TTC39B: variants seen among roughly 807,000 people sequenced by gnomAD.
TTC39B encodes tetratricopeptide repeat protein 39B.
In TTC39B, 92 loss-of-function variants were observed where a neutral mutation model predicts 96.6. The observed-to-expected ratio is 0.95, with a 90% CI of 0.80 to 1.13. TTC39B has a LOEUF of 1.13. Ranked by LOEUF, TTC39B falls within the 50% of genes most tolerant of loss-of-function variation. The probability of loss-of-function intolerance (pLI) is 0.00; values close to 1 mark genes in which losing one functional copy is unlikely to be tolerated. For synonymous variants in TTC39B, 367 were observed against 299.4 expected, an observed-to-expected ratio of 1.23 and a Z score of -2.33; for missense variants, 955 against 809.3, an observed-to-expected ratio of 1.18 and a Z score of -2.18.
intron 2 of TTC39B, among the ~76,000 whole-genome samples, chr9:15,244,815 C>T (rs1586949069): frequency 6.6e-6 from 1 of 151,648 alleles, no homozygotes; most frequent in East Asian, 1.9e-4. Context: ...CAGTGGGACA[C>T]TGAATGGGGG....
rs1223721613 is a variant in TTC39B, at chr9:15,185,233, G to A, written c.1614+47C>T. The A allele has an allele frequency of 5.7e-6, 9 of 1,568,000 alleles. 1 individual carries two copies. In the South Asian group the frequency reaches 1.1e-4, roughly 19 times the overall value. On this transcript the variant is annotated intron_variant, in intron 16 of 19. Transcript: ENST00000512701. ...TTAGATATGCTCCCTGCTGCTGTGA[G>A]TAGGTAATTTATTTCTAGTACATGA... is the stretch of plus-strand genomic sequence containing the variant.
intron 2 of TTC39B, among the ~76,000 whole-genome samples, chr9:15,248,015 C>T (rs549129535): frequency 2.6e-5 from 4 of 152,302 alleles, no homozygotes; most frequent in African/African-American, 7.2e-5. Context: ...CCTCGTTTTC[C>T]TCATTTGGAA....
chr9:15,288,745 C>T (rs1364078692), intron 1 of TTC39B, among the ~76,000 whole-genome samples: 1 of 152,224 alleles, frequency 6.6e-6, no homozygotes, highest in African/African-American at 2.4e-5. Context: ...CAACACATGC[C>T]ACTTGGGCTT....
At chr9:15,284,245 T>C (rs939381744) in intron 1 of TTC39B, among the ~76,000 whole-genome samples, 1 of 152,354 alleles carries the variant, frequency 6.6e-6, no homozygotes, top group East Asian at 1.9e-4. Flanking sequence ...ATTTACAAGG[T>C]TGATAATATC....
chr9:15,291,031 A>T (rs1824171974), intron 1 of TTC39B, among the ~76,000 whole-genome samples: 2 of 152,228 alleles, frequency 1.3e-5, no homozygotes, highest in African/African-American at 4.8e-5. Flanking sequence ...TGGATTACCG[A>T]GGTAAAGTCT....
intron 18 of TTC39B, among the ~76,000 whole-genome samples, chr9:15,176,543 G>C (rs1220503402): frequency 6.6e-6 from 1 of 152,154 alleles, no homozygotes. Flanking sequence ...ACAGAGCACA[G>C]GATGTCCACC....
At chr9:15,216,677 T>C (rs1376932766) in intron 3 of TTC39B, among the ~76,000 whole-genome samples, 1 of 152,196 alleles carries the variant, frequency 6.6e-6, no homozygotes, top group East Asian at 1.9e-4. Flanking sequence ...TATAGACCCA[T>C]TTCTTTCCCC....
chr9:15,207,945 C>T (rs1438362858), intron 6 of TTC39B, among the ~76,000 whole-genome samples: 2 of 137,386 alleles, frequency 1.5e-5, no homozygotes, highest in Admixed American at 1.5e-4. Flanking sequence ...GATCATGCCA[C>T]TGCACTCCAG....
At chr9:15,175,247 A>G (rs1817870562) in intron 18 of TTC39B, 112 bp from the exon 19 acceptor site, 1 of 719,188 alleles carries the variant, frequency 1.4e-6, no homozygotes, top group Non-Finnish European at 2.3e-6. Context: ...TAAGTCTATT[A>G]TCATAGAAAG....
chr9:15,187,865 G>A, intron 14 of TTC39B, 106 bp downstream of exon 14: 1 of 1,205,174 alleles, frequency 8.3e-7, no homozygotes, highest in Admixed American at 2.7e-5. Flanking sequence ...TCTCTAAGTT[G>A]AGAAAACACT....
At chr9:15,281,096 C>A (rs899442306) in intron 1 of TTC39B, among the ~76,000 whole-genome samples, 32 of 151,874 alleles carry the variant, frequency 2.1e-4, no homozygotes, top group African/African-American at 7.5e-4. Context: ...GCCCAGATGT[C>A]CTTTTATGCA....
In TTC39B at chr9:15,245,255, GA is replaced by G. The variant is rs559079299; in HGVS notation, c.276-19244del. ...AAGTACCCATGAATATTTCATCACA[GA>G]AACCTTCATTCACAAACAAGCAGCT... On this transcript the variant is annotated intron_variant, in intron 2 of 19. Transcript: ENST00000512701. Among the ~76,000 whole-genome samples the G allele has an allele frequency of 3.0e-4, 46 of 152,232 alleles. No individual in the cohort carries two copies. In the East Asian group the frequency reaches 7.9e-3, roughly 26 times the overall value.
At chr9:15,252,017 A>C (rs1822579421) in intron 2 of TTC39B, among the ~76,000 whole-genome samples, 1 of 151,978 alleles carries the variant, frequency 6.6e-6, no homozygotes. Flanking sequence ...GATATTCACC[A>C]AACGACAGCA....
At chr9:15,288,453 G>A (rs757278632) in intron 1 of TTC39B, among the ~76,000 whole-genome samples, 4 of 152,136 alleles carry the variant, frequency 2.6e-5, no homozygotes, top group East Asian at 1.9e-4. Flanking sequence ...GAATGTCGTC[G>A]AGAGGAGTTC....
rs140638362 is a variant in TTC39B at position 15,247,624 on chromosome 9, C to T, written c.275+20290G>A. ...GGTGCATGTTTTCCACGTTCCTTAA[C>T]TGGCCTGCCACTGAAGCATAATCTG... is the stretch of plus-strand genomic sequence containing the variant. On this transcript the variant is annotated intron_variant, in intron 2 of 19. Transcript: ENST00000512701. Among the ~76,000 whole-genome samples the T allele has an allele frequency of 5.2e-3, 786 of 152,278 alleles. 6 individuals carry two copies. The highest frequency in any genetic ancestry group is 8.7e-3 in the Non-Finnish European group (590 of 68,014).
intron 3 of TTC39B, among the ~76,000 whole-genome samples, chr9:15,225,097 G>C (rs1821049906): frequency 6.6e-6 from 1 of 152,076 alleles, no homozygotes; most frequent in Admixed American, 6.5e-5. Context: ...AAACCTTCAT[G>C]TTCAAAGAGA....
At chr9:15,229,118 C>T (rs1344892770) in intron 2 of TTC39B, among the ~76,000 whole-genome samples, 1 of 152,176 alleles carries the variant, frequency 6.6e-6, no homozygotes, top group Non-Finnish European at 1.5e-5. Context: ...TGCATTTTCT[C>T]ATTTCATTAA....
At chr9:15,290,738 C>G (rs1380709009) in intron 1 of TTC39B, among the ~76,000 whole-genome samples, 1 of 152,216 alleles carries the variant, frequency 6.6e-6, no homozygotes, top group East Asian at 1.9e-4. Context: ...GAATGTGACC[C>G]CTTACCTCAC....
At chr9:15,265,453 A>C (rs1057244957) in intron 2 of TTC39B, among the ~76,000 whole-genome samples, 8 of 152,166 alleles carry the variant, frequency 5.3e-5, no homozygotes, top group African/African-American at 1.9e-4. Flanking sequence ...CACCAGCCCC[A>C]AGGCCTGATC....
Sources: gnomAD v4.1 joint callset for allele counts (sites outside exome capture counted in the v4.1 genomes callset) on GRCh38, gnomAD v4.1.1 for gene constraint, MANE v1.5 for transcripts, NCBI Gene and HGNC (gene_info 2026-07-23, HGNC 2026-07-21) for gene names.